Variants in ARMCX4 observed in about 807,000 individuals in gnomAD.
ARMCX4 encodes armadillo repeat-containing X-linked protein 4.
Under a neutral mutation model 34.7 loss-of-function variants are expected in ARMCX4, and 3 were observed. That is an observed-to-expected ratio of 0.09 (90% CI 0.04 to 0.22). ARMCX4 has a LOEUF of 0.22. Ranked by LOEUF, ARMCX4 falls within the 10% of genes least tolerant of loss-of-function variation. The pLI is 1.00. For synonymous variants in ARMCX4, 513 were observed against 632.8 expected (o/e 0.81, Z 2.84); for missense variants, 1,448 against 1,720.8 (o/e 0.84, Z 2.81).
chrX:101,437,895 C>T (rs1183752974), intron 2 of ARMCX4, among the ~76,000 whole-genome samples: 2 of 111,729 alleles, frequency 1.8e-5, no homozygotes, highest in Non-Finnish European at 3.8e-5. Context: ...GCCTTCATTT[C>T]GTTATGTACC....
rs1302134215 is a variant in ARMCX4 at position 101,421,230 on chromosome X, GA to G, written n.164+2234del. ...AAAAAAAAAAAAAAAAAAAAGAAAG[GA>G]AAAGAAAATATTGCCCTGGCTACAG... On this transcript the variant is annotated intron_variant and non_coding_transcript_variant, in intron 2 of 3. Coordinates refer to the ARMCX4 transcript ENST00000430461. Among the ~76,000 whole-genome samples the G allele has an allele frequency of 1.6e-4, 17 of 105,199 alleles. No homozygotes were observed. The Admixed American group carries it at 1.7e-3, about 11-fold the overall frequency. 91.4% of individuals were successfully genotyped at this position (105,199 alleles called of 115,157 possible).
chrX:101,427,996 A>G (rs1197379269), intron 2 of ARMCX4, among the ~76,000 whole-genome samples: 1 of 112,083 alleles, frequency 8.9e-6, no homozygotes, highest in Non-Finnish European at 1.9e-5. Flanking sequence ...TATCCAAAGT[A>G]TAGCATTCTA....
chrX:101,433,317 T>C (rs781796025), intron 2 of ARMCX4, among the ~76,000 whole-genome samples: 6 of 101,009 alleles, frequency 5.9e-5, no homozygotes, highest in Non-Finnish European at 8.0e-5. Context: ...TGTACATATA[T>C]ACTTACATAT....
upstream of ARMCX4, among the ~76,000 whole-genome samples, chrX:101,482,890 CTTTTTTTTTTTTT>C (rs36075508): frequency 1.8e-5 from 1 of 54,728 alleles, no homozygotes; most frequent in African/African-American, 8.7e-5. Context: ...TTGCGTCAGG[CTTTTTTTTTTTTT>C]TTTTTTTTTT....
At chrX:101,526,342 A>C (rs1326482836) in intron 11 of ARMCX4, among the ~76,000 whole-genome samples, 1 of 112,038 alleles carries the variant, frequency 8.9e-6, no homozygotes, top group Non-Finnish European at 1.9e-5. Context: ...AGCACTAAAC[A>C]TGGAAAGGAA....
At chrX:101,502,724 T>C (rs1265904204) in intron 7 of ARMCX4, among the ~76,000 whole-genome samples, 1 of 111,418 alleles carries the variant, frequency 9.0e-6, no homozygotes, top group Non-Finnish European at 1.9e-5. Context: ...TCTTTATTTT[T>C]TTTTTATTTT....
chrX:101,525,858 C>A (rs1934960567), intron 11 of ARMCX4, among the ~76,000 whole-genome samples: 2 of 111,139 alleles, frequency 1.8e-5, no homozygotes, highest in African/African-American at 3.3e-5. Context: ...GTGAAAAGAC[C>A]AAATCTGTGT....
chrX:101,464,005 G>A (rs782672471), intron 4 of ARMCX4, among the ~76,000 whole-genome samples: 1 of 110,220 alleles, frequency 9.1e-6, no homozygotes, highest in South Asian at 4.0e-4. Flanking sequence ...TGATCCACCT[G>A]CCTCGGCCTT....
intron 11 of ARMCX4, among the ~76,000 whole-genome samples, chrX:101,529,969 C>T (rs150819938): frequency 0.016 from 1,782 of 111,453 alleles, 32 homozygotes; most frequent in African/African-American, 0.055. Flanking sequence ...TTTGACCCAG[C>T]GATCCCATTA....
intron 11 of ARMCX4, among the ~76,000 whole-genome samples, chrX:101,529,410 G>T (rs1556021489): frequency 8.9e-6 from 1 of 111,735 alleles, no homozygotes; most frequent in African/African-American, 3.3e-5. Context: ...TACCATTCAG[G>T]ACGTAGGCAT....
chrX:101,444,941 C>T (rs1346067716), intron 3 of ARMCX4, among the ~76,000 whole-genome samples: 1 of 111,578 alleles, frequency 9.0e-6, no homozygotes, highest in East Asian at 2.8e-4. Flanking sequence ...GGACATACTG[C>T]TTGCCCTGGC....
At chrX:101,438,514 A>T (rs1162766615) in intron 2 of ARMCX4, among the ~76,000 whole-genome samples, 1 of 111,041 alleles carries the variant, frequency 9.0e-6, no homozygotes, top group Non-Finnish European at 1.9e-5. Context: ...GCAGTGAGCC[A>T]AGATCGCGCC....
chrX:101,442,168 A>G (rs1318081533), intron 2 of ARMCX4, among the ~76,000 whole-genome samples: 1 of 112,749 alleles, frequency 8.9e-6, no homozygotes, highest in African/African-American at 3.2e-5. Context: ...GTTTACAAAT[A>G]AAGCTCCTTT....
At chrX:101,498,194 T>G (rs782294893), downstream of ARMCX4, 7 of 328,693 alleles carry the variant, frequency 2.1e-5, no homozygotes, top group African/African-American at 1.9e-4. Context: ...TGCTGAACTC[T>G]ATCTCTGGGC....
intron 2 of ARMCX4, among the ~76,000 whole-genome samples, chrX:101,427,433 A>C (rs782691304): frequency 9.1e-6 from 1 of 109,700 alleles, no homozygotes; most frequent in Non-Finnish European, 1.9e-5. Flanking sequence ...GCTGGAGTGC[A>C]ATGGTGCAAT....
In ARMCX4 at chrX:101,489,325, G is replaced by A. The variant is rs1556007874; in HGVS notation, c.736G>A (p.Ala246Thr). 1.7e-6 allele frequency: 2 copies of A among 1,154,410 alleles called. No homozygotes were observed. Among genetic ancestry groups the A allele is most frequent in the South Asian group, 3.8e-5 (2 of 52,680 alleles). ...AGCTCTGGAAGAGACTGTGAGTGTG[G>A]CTAAGACTCAGTCTGAGGCCAGGCC... ...TRALEETVSV[A>T]KTQSEARPGA... is the part of the protein sequence containing the mutation. The change falls in exon 6 of 6, where the codon GCT becomes ACT. Residue 246 changes from alanine (A) to threonine (T), a missense_variant. Transcript: ENST00000423738.
At chrX:101,468,289 T>A (rs1198427967) in intron 4 of ARMCX4, among the ~76,000 whole-genome samples, 2 of 110,656 alleles carry the variant, frequency 1.8e-5, no homozygotes, top group African/African-American at 6.6e-5. Flanking sequence ...ATTTTTCTTT[T>A]CTTTTTTTTC....
chrX:101,506,278 A>G, intron 8 of ARMCX4, among the ~76,000 whole-genome samples: 1 of 112,377 alleles, frequency 8.9e-6, no homozygotes. Context: ...GCCTCATTTT[A>G]GTGGAACCAT....
Position 101,495,135 on chromosome X carries a change from T to C in ARMCX4, c.6546T>C (p.His2182=), listed in dbSNP as rs1934148534. 1.7e-6 allele frequency: 2 copies of C among 1,154,642 alleles called. No homozygotes were observed. Among genetic ancestry groups the C allele is most frequent in the African/African-American group, 1.8e-5 (1 of 55,953 alleles). The part of the protein sequence containing the change: ...LTVGSGETKD[H]VLGMLLNFSK... ...TGGGAAGTGGAGAAACTAAAGACCA[T>C]GTTTTGGGAATGCTTTTGAATTTCT... is the stretch of plus-strand genomic sequence containing the variant. Residue 2182 remains histidine, a synonymous_variant, in exon 6 of 6, where the codon CAT becomes CAC. Transcript: ENST00000423738.
Sources: allele counts gnomAD v4.1 joint callset (sites outside exome capture counted in the v4.1 genomes callset), GRCh38; gene constraint gnomAD v4.1.1; transcripts MANE v1.5; gene names NCBI Gene and HGNC (gene_info 2026-07-23, HGNC 2026-07-21).